The following NAA20 variants were observed in gnomAD, a reference collection of about 807,000 sequenced individuals.
NAA20 encodes the protein N-alpha-acetyltransferase 20.
A neutral mutation model predicts 23.8 loss-of-function variants in NAA20; 24 were observed. That is an observed-to-expected ratio of 1.01 (90% CI 0.73 to 1.42). The LOEUF is 1.42. Among genes scored for constraint, NAA20 ranks in the 40% most tolerant of loss-of-function variants. The pLI is 0.00. For synonymous variants in NAA20, 83 were observed against 77.7 expected, an observed-to-expected ratio of 1.07 and a Z score of -0.36; for missense variants, 166 against 223.1, an observed-to-expected ratio of 0.74 and a Z score of 1.63.
chr20:20,017,590 C>T, intron 1 of NAA20, 141 bp downstream of exon 1: 17 of 1,324,316 alleles, frequency 1.3e-5, no homozygotes, highest in Non-Finnish European at 1.7e-5. Flanking sequence ...CGCCGGCCAA[C>T]GTGGGCGCCT....
chr20:20,017,622 G>C, intron 1 of NAA20, 173 bp downstream of exon 1: 1 of 1,311,318 alleles, frequency 7.6e-7, no homozygotes, highest in Non-Finnish European at 1.0e-6. Flanking sequence ...CAGGGTCCAG[G>C]GAGAGGTGGG....
chr20:20,018,006 A>G (rs753847914), intron 1 of NAA20: 22 of 1,614,226 alleles, frequency 1.4e-5, no homozygotes, highest in Admixed American at 3.3e-5. Context: ...GACACTGATC[A>G]CTGCGTCCCC....
chr20:20,018,105 A>T, intron 1 of NAA20: 1 of 1,612,214 alleles, frequency 6.2e-7, no homozygotes, highest in Admixed American at 1.7e-5. Flanking sequence ...TTCCTCTGTG[A>T]GGAGTCACGG....
intron 2 of NAA20, among the ~76,000 whole-genome samples, chr20:20,024,023 T>C (rs2043290170): frequency 6.6e-6 from 1 of 152,220 alleles, no homozygotes; most frequent in Admixed American, 6.5e-5. Context: ...TAAAATGTTA[T>C]TGGGACACCA....
chr20:20,027,982 A>T (rs1248648773), intron 4 of NAA20, among the ~76,000 whole-genome samples: 3 of 152,170 alleles, frequency 2.0e-5, no homozygotes, highest in Non-Finnish European at 4.4e-5. Context: ...CTTGAGCTTA[A>T]TTTCTACTTA....
intron 4 of NAA20, among the ~76,000 whole-genome samples, chr20:20,029,923 CA>C (rs1168715753): frequency 1.3e-5 from 2 of 151,674 alleles, no homozygotes; most frequent in Non-Finnish European, 2.9e-5. Flanking sequence ...ACAACCATTG[CA>C]AAAACCATTC....
intron 2 of NAA20, 76 bp from the exon 3 acceptor site, chr20:20,025,587 TACTTTTTAAAGGAA>T: frequency 1.1e-6 from 1 of 886,434 alleles, no homozygotes; most frequent in South Asian, 1.4e-5. Flanking sequence ...AGTAACAGTA[TACTTTTTAAAGGAA>T]ACTTTTTTTA....
chr20:20,018,768 C>A, intron 1 of NAA20: 2 of 353,334 alleles, frequency 5.7e-6, no homozygotes, highest in South Asian at 1.1e-4. Flanking sequence ...TGAGTGCCCA[C>A]GTAATAATCC....
intron 4 of NAA20, among the ~76,000 whole-genome samples, chr20:20,027,593 T>C (rs1012181308): frequency 6.6e-6 from 1 of 152,184 alleles, no homozygotes; most frequent in Non-Finnish European, 1.5e-5. Flanking sequence ...AGCATGATCT[T>C]ACGTTGAATT....
At chr20:20,027,409 T>G (rs2043313486) in intron 4 of NAA20, among the ~76,000 whole-genome samples, 1 of 152,238 alleles carries the variant, frequency 6.6e-6, no homozygotes, top group South Asian at 2.1e-4. Context: ...ATTTCATTCT[T>G]AAATAACTGT....
At chr20:20,028,360 A>G (rs2043320597) in intron 4 of NAA20, among the ~76,000 whole-genome samples, 1 of 152,094 alleles carries the variant, frequency 6.6e-6, no homozygotes, top group Admixed American at 6.6e-5. Context: ...TAAGGGAGGG[A>G]TAGAATTAGG....
intron 2 of NAA20, among the ~76,000 whole-genome samples, chr20:20,025,274 A>G (rs542854921): frequency 5.3e-5 from 8 of 152,326 alleles, no homozygotes; most frequent in Admixed American, 1.3e-4. Flanking sequence ...TCAGTGTATT[A>G]AGCATCTACT....
chr20:20,027,446 C>T lies in NAA20; in HGVS notation c.305+527C>T, dbSNP rs1164085609. Among the ~76,000 whole-genome samples, 4 of 151,684 alleles carry T rather than the reference C, an allele frequency of 2.6e-5. No individual in the cohort carries two copies. In the Admixed American group the frequency reaches 2.6e-4, roughly 10 times the overall value. On this transcript the variant is annotated intron_variant, in intron 4 of 5. Transcript: ENST00000334982. ...GCTAGCTACCAATGAGAGGTGTGCA[C>T]CTGTTGGACATTAAATGACTTGGCA...
At chr20:20,017,897 AG>A (rs769133411) in intron 1 of NAA20, 7 of 1,597,816 alleles carry the variant, frequency 4.4e-6, no homozygotes, top group Non-Finnish European at 5.1e-6. Context: ...CAGGCCGCAG[AG>A]GGGGCTTGCG....
intron 4 of NAA20, among the ~76,000 whole-genome samples, chr20:20,032,066 AAACGTATCAACAGG>A (rs2043347415): frequency 6.6e-6 from 1 of 152,102 alleles, no homozygotes; most frequent in Non-Finnish European, 1.5e-5. Flanking sequence ...TAAAAGCCAG[AAACGTATCAACAGG>A]ACCGTGAATG....
At chr20:20,028,201 A>ATTTATTAATGG (rs1297570290) in intron 4 of NAA20, among the ~76,000 whole-genome samples, 1 of 152,200 alleles carries the variant, frequency 6.6e-6, no homozygotes, top group Non-Finnish European at 1.5e-5. Context: ...ATTATAGTTT[A>ATTTATTAATGG]CACACATTTA....
At chr20:20,020,303 G>A (rs149315320) in intron 1 of NAA20, among the ~76,000 whole-genome samples, 1 of 152,220 alleles carries the variant, frequency 6.6e-6, no homozygotes. Flanking sequence ...AAAGCTGGAA[G>A]TGAGTGGGGA....
At chr20:20,023,053 A>G (rs2043281887) in intron 2 of NAA20, among the ~76,000 whole-genome samples, 1 of 152,096 alleles carries the variant, frequency 6.6e-6, no homozygotes, top group African/African-American at 2.4e-5. Flanking sequence ...TGGGGGGCCA[A>G]GGCAGGCAGA....
intron 4 of NAA20, 75 bp downstream of exon 4, chr20:20,026,994 ACTGT>A: frequency 6.3e-7 from 1 of 1,576,084 alleles, no homozygotes; most frequent in South Asian, 1.1e-5. Context: ...AGGCTGAATA[ACTGT>A]CATGCTTTAC....
Sources: allele counts gnomAD v4.1 joint callset (sites outside exome capture counted in the v4.1 genomes callset), GRCh38; gene constraint gnomAD v4.1.1; transcripts MANE v1.5; gene names NCBI Gene and HGNC (gene_info 2026-07-23, HGNC 2026-07-21).